ZNF91: variants seen among roughly 807,000 people sequenced by gnomAD.
The protein encoded by ZNF91 is zinc finger protein 91 (HPF7, HTF10).
Under a neutral mutation model 12.6 loss-of-function variants are expected in ZNF91, and 7 were observed. The ratio of observed to expected loss-of-function variants is 0.55; its 90% confidence interval spans 0.31 to 1.04. The LOEUF (loss-of-function observed/expected upper bound fraction) is 1.04. ZNF91 is among the 50% of genes least tolerant of loss of function. ZNF91 has a pLI of 0.05. For missense variants in ZNF91, 1,217 were observed against 1,385.4 expected (o/e 0.88, Z 1.93); for synonymous variants, 453 against 462.6 (o/e 0.98, Z 0.27).
intron 3 of ZNF91, among the ~76,000 whole-genome samples, chr19:23,363,103 T>G (rs969717220): frequency 6.6e-6 from 1 of 152,140 alleles, no homozygotes. Context: ...GGGAGCACAA[T>G]GCAAAAAACC....
chr19:23,335,547 G>A (rs182976183), downstream of ZNF91, among the ~76,000 whole-genome samples: 159 of 152,244 alleles, frequency 1.0e-3, no homozygotes, highest in African/African-American at 1.1e-3. Context: ...CCCCAACCTC[G>A]CTGCCACCTT....
At chr19:23,393,899 C>G (rs532052339) in intron 1 of ZNF91, among the ~76,000 whole-genome samples, 3 of 152,018 alleles carry the variant, frequency 2.0e-5, no homozygotes, top group Non-Finnish European at 4.4e-5. Context: ...ACTTGGGAGA[C>G]TGAGAGAGGA....
At chr19:23,356,696 T>TAACCAAATA (rs1968495273), downstream of ZNF91, among the ~76,000 whole-genome samples, 1 of 152,000 alleles carries the variant, frequency 6.6e-6, no homozygotes, top group Admixed American at 6.5e-5. Flanking sequence ...CTTACTCAAC[T>TAACCAAATA]AACCAAATAC....
chr19:23,359,224 T>G lies in ZNF91; in HGVS notation c.*179A>C. On this transcript the variant is annotated 3_prime_UTR_variant, in exon 4 of 4. Coordinates refer to ENST00000300619, the MANE Select transcript of ZNF91 (RefSeq NM_003430.4). ...GTAGGGTTTCTCTCTAGTATGAATT[T>G]TCTTTTTTTTTTTTTTGAGACGGAG... 1 of 411,564 alleles carries G rather than the reference T, an allele frequency of 2.4e-6. No individual in the cohort carries two copies. Among genetic ancestry groups the G allele is most frequent in the East Asian group, 5.1e-5 (1 of 19,658 alleles). The allele number at this position is 411,564 out of a possible 1,614,324, so 25.5% of individuals were successfully genotyped here.
chr19:23,327,585 T>C (rs1967860995), intron 1 of ZNF91: 1 of 152,220 alleles, frequency 6.6e-6, no homozygotes, highest in Non-Finnish European at 1.5e-5. Flanking sequence ...AGTGCTTACA[T>C]GCTAACTAGT....
At chr19:23,345,218 C>CT (rs1224264756) in intron 3 of ZNF91, among the ~76,000 whole-genome samples, 3 of 152,192 alleles carry the variant, frequency 2.0e-5, no homozygotes, top group South Asian at 4.1e-4. Context: ...GGATGGTCCC[C>CT]TTTTCCCTGT....
chr19:23,314,856 T>C (rs1184705716), upstream of ZNF91, among the ~76,000 whole-genome samples: 7 of 152,238 alleles, frequency 4.6e-5, no homozygotes, highest in African/African-American at 1.4e-4. Flanking sequence ...GTGATGTGAC[T>C]GTCCTCTCCT....
chr19:23,371,511 T>C (rs1479542033), intron 3 of ZNF91, among the ~76,000 whole-genome samples: 1 of 152,164 alleles, frequency 6.6e-6, no homozygotes, highest in East Asian at 1.9e-4. Context: ...TGACTTAAAG[T>C]ATACAAACAG....
At chr19:23,336,439 G>A (rs1968008976), downstream of ZNF91, among the ~76,000 whole-genome samples, 1 of 152,192 alleles carries the variant, frequency 6.6e-6, no homozygotes, top group Non-Finnish European at 1.5e-5. Flanking sequence ...ACACAGCTTA[G>A]GAGGAAGCTA....
intron 1 of ZNF91, among the ~76,000 whole-genome samples, chr19:23,332,876 A>G (rs1967949847): frequency 6.6e-6 from 1 of 152,198 alleles, no homozygotes; most frequent in Non-Finnish European, 1.5e-5. Flanking sequence ...AAAGCAGAAT[A>G]CTAGCAGGCT....
intron 3 of ZNF91, among the ~76,000 whole-genome samples, chr19:23,345,343 G>A (rs980968121): frequency 1.3e-5 from 2 of 152,042 alleles, no homozygotes; most frequent in African/African-American, 2.4e-5. Context: ...CAAGATATCC[G>A]TGCCTTGTCT....
intron 3 of ZNF91, among the ~76,000 whole-genome samples, chr19:23,347,982 T>C (rs548189052): frequency 1.3e-5 from 2 of 152,324 alleles, no homozygotes; most frequent in East Asian, 1.9e-4. Flanking sequence ...ATGCATATAA[T>C]TCCCAATTTT....
intron 1 of ZNF91, chr19:23,384,803 ACT>A: frequency 2.9e-6 from 2 of 682,162 alleles, no homozygotes; most frequent in South Asian, 1.6e-5. Context: ...AGCACCTCAG[ACT>A]CTGTGTTCAC....
In ZNF91 at chr19:23,362,102, G is replaced by T; in HGVS notation, c.877C>A (p.Pro293Thr). 1.2e-6 allele frequency: 2 copies of T among 1,613,894 alleles called. No individual in the cohort carries two copies. The highest frequency in any genetic ancestry group is 8.5e-7 in the Non-Finnish European group (1 of 1,179,978). The change falls in exon 4 of 4, where the codon CCC (proline) becomes ACC (threonine). Residue 293 changes from proline (P) to threonine (T), a missense_variant. Pro to Thr is a conservative substitution (Grantham distance 38). This residue lies in a region of ZNF91 where 726 missense variants were observed against 895.5 expected (regional missense o/e 0.81). Coordinates refer to ENST00000300619, the MANE Select transcript of ZNF91 (RefSeq NM_003430.4). ...TTGCCACATTCTTCACATTTGTAGG[G>T]TTTCTCTCCAGTGTGTATCCTCTTA... is the stretch of plus-strand genomic sequence containing the variant. The part of the protein sequence containing the change: ...RHKRIHTGEK[P>T]YKCEECGKAF...
At position 23,352,599 on chromosome 19, in the gene ZNF91, G is replaced by A. The variant is rs1033406981; in HGVS notation, c.254-13545C>T. ...AACAAAGAGCATGATGAATGCAATG[G>A]TACCACACATTTCAATATTAACATT... On this transcript the variant is annotated intron_variant, in intron 3 of 3. Transcript: ENST00000599743. Among the ~76,000 whole-genome samples the A allele has an allele frequency of 2.6e-5, 4 of 152,000 alleles. No individual in the cohort carries two copies. The East Asian group carries it at 7.7e-4, about 29-fold the overall frequency.
At chr19:23,374,817 T>C in intron 1 of ZNF91, 53 bp from the exon 2 acceptor site, 1 of 1,590,960 alleles carries the variant, frequency 6.3e-7, no homozygotes, top group Non-Finnish European at 8.6e-7. Flanking sequence ...GGGCAGAATT[T>C]TTCATTTGAC....
chr19:23,307,105 G>A (rs182985438), intron 3 of ZNF91: 12 of 152,194 alleles, frequency 7.9e-5, no homozygotes, highest in Admixed American at 3.3e-4. Context: ...TTCTTTACAC[G>A]TTCTGCCCAC....
chr19:23,394,677 G>A lies in ZNF91; in HGVS notation c.30+648C>T, dbSNP rs372600455. On this transcript the variant is annotated intron_variant, in intron 1 of 3. Coordinates refer to ENST00000300619, the MANE Select transcript of ZNF91 (RefSeq NM_003430.4). ...CGGAAGGCAGAGGTTGCGGTGAGCC[G>A]AGATCACGCCACTGCACTCCAGCCC... Among the ~76,000 whole-genome samples the A allele has an allele frequency of 3.4e-4, 52 of 152,146 alleles. No homozygotes were observed. In the South Asian group the frequency reaches 0.01, roughly 30 times the overall value.
chr19:23,371,899 A>C (rs1005825428), intron 3 of ZNF91, among the ~76,000 whole-genome samples: 2 of 152,246 alleles, frequency 1.3e-5, no homozygotes, highest in African/African-American at 4.8e-5. Flanking sequence ...ATTTTTACAC[A>C]AAATAAAATT....
Sources: allele counts gnomAD v4.1 joint callset (sites outside exome capture counted in the v4.1 genomes callset), GRCh38; gene constraint gnomAD v4.1.1; regional missense constraint gnomAD v4.1.1; transcripts MANE v1.5; gene names NCBI Gene and HGNC (gene_info 2026-07-23, HGNC 2026-07-21).